The following CCDC42 variants were observed in gnomAD, a reference collection of about 807,000 sequenced individuals.
The protein encoded by CCDC42 is coiled-coil domain containing 42, also known as coiled-coil domain-containing protein 42.
A neutral mutation model predicts 40.8 loss-of-function variants in CCDC42; 38 were observed. That is an observed-to-expected ratio of 0.93 (90% CI 0.72 to 1.22). CCDC42 has a LOEUF of 1.22. Ranked by LOEUF, CCDC42 falls within the 50% of genes most tolerant of loss-of-function variation. The pLI is 0.00. For synonymous variants in CCDC42, 135 were observed against 157.5 expected (o/e 0.86, Z 1.07); for missense variants, 379 against 416.5 (o/e 0.91, Z 0.78).
intron 4 of CCDC42, among the ~76,000 whole-genome samples, chr17:8,737,062 A>AGAAG (rs2086616859): frequency 6.7e-6 from 1 of 149,072 alleles, no homozygotes. Context: ...AGAAAAAAGA[A>AGAAG]AAGAAAAAGG....
chr17:8,731,988 C>T (rs1303964908), intron 6 of CCDC42, among the ~76,000 whole-genome samples: 1 of 151,342 alleles, frequency 6.6e-6, no homozygotes, highest in Non-Finnish European at 1.5e-5. Context: ...CACAGTGAAA[C>T]CCCATCTCTA....
At chr17:8,737,393 A>C (rs960164831) in intron 4 of CCDC42, among the ~76,000 whole-genome samples, 6 of 152,248 alleles carry the variant, frequency 3.9e-5, no homozygotes, top group African/African-American at 1.4e-4. Flanking sequence ...AAAACATATC[A>C]AATATGTTAA....
intron 4 of CCDC42, among the ~76,000 whole-genome samples, chr17:8,738,683 C>T (rs948060744): frequency 1.3e-5 from 2 of 152,140 alleles, no homozygotes; most frequent in Non-Finnish European, 2.9e-5. Context: ...CCAGGGTGGT[C>T]TCGAACTCCT....
intron 4 of CCDC42, among the ~76,000 whole-genome samples, chr17:8,739,476 A>G (rs1394452868): frequency 6.6e-6 from 1 of 152,164 alleles, no homozygotes; most frequent in Non-Finnish European, 1.5e-5. Context: ...GAGACAGGCC[A>G]ATTTCCTCCA....
chr17:8,737,060 G>GAAGA (rs1555631928), intron 4 of CCDC42, among the ~76,000 whole-genome samples: 12,656 of 149,694 alleles, frequency 0.085, 937 homozygotes, highest in East Asian at 0.17. Context: ...AAAGAAAAAA[G>GAAGA]AAAAGAAAAA....
At position 8,735,542 on chromosome 17, in the gene CCDC42, A is replaced by G; in HGVS notation, c.562T>C (p.Ser188Pro). ...ATCTTCTCCTGGCCTTCCTGCGCAG[A>G]CTGCATGAGGTCGTGGCGCATGCTC... ...LVSMRHDLMQ[S>P]AQEGQEKIER... The change falls in exon 5 of 7, where the codon TCT (serine) becomes CCT (proline). Residue 188 changes from serine to proline, a missense_variant. Ser to Pro is a moderately conservative substitution (Grantham distance 74). Transcript: ENST00000293845. The surrounding 1 kb of genome is among the most constrained non-coding windows in gnomAD (Gnocchi z 4.7). 6.2e-7 allele frequency: 1 copy of G among 1,614,002 alleles called. No individual in the cohort carries two copies. Among genetic ancestry groups the G allele is most frequent in the Non-Finnish European group, 8.5e-7 (1 of 1,180,000 alleles).
intron 6 of CCDC42, among the ~76,000 whole-genome samples, chr17:8,733,282 G>A (rs182083860): frequency 3.4e-4 from 52 of 152,274 alleles, no homozygotes; most frequent in Non-Finnish European, 6.8e-4. Context: ...ATCTGTAGGC[G>A]ACTCGGTCGT....
chr17:8,741,843 C>T (rs1597346708), intron 3 of CCDC42, among the ~76,000 whole-genome samples, 172 bp from the exon 4 acceptor site: 1 of 152,140 alleles, frequency 6.6e-6, no homozygotes, highest in East Asian at 1.9e-4. Context: ...AAGGAAAAGG[C>T]TCTCCAGGGG....
intron 6 of CCDC42, among the ~76,000 whole-genome samples, chr17:8,733,651 C>A (rs546787538): frequency 1.3e-5 from 2 of 152,110 alleles, no homozygotes; most frequent in African/African-American, 4.8e-5. Context: ...CCACCATGCC[C>A]GGCTAATTTT....
At chr17:8,732,291 T>C (rs1454549631) in intron 6 of CCDC42, among the ~76,000 whole-genome samples, 1 of 72,906 alleles carries the variant, frequency 1.4e-5, no homozygotes, top group South Asian at 6.4e-4. Context: ...AGAGTGAGAC[T>C]CCGTCTCAAA....
At chr17:8,736,562 A>C (rs1443991882) in intron 4 of CCDC42, among the ~76,000 whole-genome samples, 1 of 152,162 alleles carries the variant, frequency 6.6e-6, no homozygotes, top group Admixed American at 6.5e-5. Context: ...CCCAGGGGAA[A>C]CTTCCCGAGC....
chr17:8,743,845 T>C (rs111716438), intron 2 of CCDC42, 115 bp from the exon 3 acceptor site: 48 of 716,722 alleles, frequency 6.7e-5, no homozygotes, highest in Middle Eastern at 6.0e-4. Context: ...AGAGGGTCCA[T>C]AGGAGCCTCC....
chr17:8,742,747 A>G (rs147152929), intron 3 of CCDC42, among the ~76,000 whole-genome samples: 3 of 152,324 alleles, frequency 2.0e-5, no homozygotes, highest in East Asian at 3.9e-4. Context: ...TTAAAAATAT[A>G]CAAGCCTGGG....
chr17:8,734,111 C>A lies in CCDC42; in HGVS notation c.873+985G>T, dbSNP rs556824678. The stretch of plus-strand genomic sequence containing the variant: ...TAGACATTAAAGGGATCTGCAAGTG[C>A]GTCAAACAATGCCACTCTTCTCACA... On this transcript the variant is annotated intron_variant, in intron 6 of 6. Transcript: ENST00000293845. Among the ~76,000 whole-genome samples, 3 of 152,210 alleles carry A rather than the reference C, an allele frequency of 2.0e-5. No homozygotes were observed. In the South Asian group the frequency reaches 6.2e-4, roughly 32 times the overall value.
chr17:8,735,326 T>G lies in CCDC42; in HGVS notation c.714+64A>C. ...GTGTGTTTGTGTGTATGTGTGTGTGTGTATGCTCAGGGCCCGCACTCACCC... is the reference window on the plus strand; with the variant it reads ...GTGTGTTTGTGTGTATGTGTGTGTGGGTATGCTCAGGGCCCGCACTCACCC... On this transcript the variant is annotated intron_variant, in intron 5 of 6. Coordinates refer to ENST00000293845, the MANE Select transcript of CCDC42 (RefSeq NM_144681.3). The surrounding 1 kb of genome is among the most constrained non-coding windows in gnomAD (Gnocchi z 4.7). The G allele has an allele frequency of 1.2e-6, 2 of 1,611,156 alleles. No homozygotes were observed. The highest frequency in any genetic ancestry group is 1.7e-6 in the Non-Finnish European group (2 of 1,177,826).
Position 8,735,425 on chromosome 17 carries a change from G to C in CCDC42, c.679C>G (p.Arg227Gly). Residue 227 changes from arginine to glycine, a missense_variant, in exon 5 of 7, where the codon CGC becomes GGC. Arg to Gly is a moderately radical substitution (Grantham distance 125). Transcript: ENST00000293845. This position sits in a 1 kb window ranked among gnomAD's most constrained non-coding sequence, Gnocchi z 4.7. ...QNNELARLQM[R>G]FDRARSNVIF... ...ACATTGCTGCGGGCACGGTCAAAGC[G>C]CATCTGCAGCCTTGCCAGCTCATTG... 6.2e-7 allele frequency: 1 copy of C among 1,613,942 alleles called. No homozygotes were observed. The highest frequency in any genetic ancestry group is 8.5e-7 in the Non-Finnish European group (1 of 1,180,014).
At chr17:8,741,966 C>T (rs2086648668) in intron 3 of CCDC42, among the ~76,000 whole-genome samples, 1 of 152,052 alleles carries the variant, frequency 6.6e-6, no homozygotes, top group South Asian at 2.1e-4. Flanking sequence ...GAGGGGCAGA[C>T]AGGAAATGGT....
chr17:8,742,665 G>A (rs535554618), intron 3 of CCDC42, among the ~76,000 whole-genome samples: 1 of 152,336 alleles, frequency 6.6e-6, no homozygotes, highest in African/African-American at 2.4e-5. Flanking sequence ...GTAAGCCCAG[G>A]ACAGGACTGA....
intron 4 of CCDC42, among the ~76,000 whole-genome samples, chr17:8,741,202 C>T (rs1054348066): frequency 1.3e-5 from 2 of 152,288 alleles, no homozygotes; most frequent in East Asian, 3.9e-4. Context: ...TTGTGGCTCA[C>T]ACAGACACAC....
Sources: gnomAD v4.1 joint callset for allele counts (sites outside exome capture counted in the v4.1 genomes callset) on GRCh38, gnomAD v4.1.1 for gene constraint, Gnocchi (gnomAD v3.1) non-coding constraint, MANE v1.5 for transcripts, NCBI Gene and HGNC (gene_info 2026-07-23, HGNC 2026-07-21) for gene names.